Variants in RICTOR observed in about 807,000 individuals in gnomAD.
RICTOR encodes the protein RPTOR independent companion of MTOR complex 2.
A neutral mutation model predicts 214.9 loss-of-function variants in RICTOR; 49 were observed. The ratio of observed to expected loss-of-function variants is 0.23; its 90% CI spans 0.18 to 0.29. The LOEUF is 0.29. Ranked by LOEUF, RICTOR falls within the 10% of genes least tolerant of loss-of-function variation. RICTOR has a pLI of 1.00. For synonymous variants in RICTOR, 717 were observed against 711.3 expected, an observed-to-expected ratio of 1.01 and a Z score of -0.13; for missense variants, 1,625 against 2,047.0, an observed-to-expected ratio of 0.79 and a Z score of 3.98.
At chr5:39,042,410 G>A (rs1757235703) in intron 2 of RICTOR, among the ~76,000 whole-genome samples, 1 of 152,106 alleles carries the variant, frequency 6.6e-6, no homozygotes, top group African/African-American at 2.4e-5. Context: ...GTATAAGGTA[G>A]GTACTACTAT....
In RICTOR at chr5:38,962,479, T is replaced by A. The variant is rs1228341465; in HGVS notation, c.1668+6A>T. 1 of 1,435,306 alleles carries A rather than the reference T, an allele frequency of 7.0e-7. No homozygotes were observed. The highest frequency in any genetic ancestry group is 2.3e-5 in the East Asian group (1 of 43,508). 88.9% of individuals were successfully genotyped at this position (1,435,306 alleles called of 1,614,324 possible). ...CAAGCCATTACCATGAAGTATCTTT[T>A]CATACCTTAAGAATGGTCCCTATAA... On this transcript the variant is annotated splice_donor_region_variant and intron_variant, in intron 18 of 37. Coordinates refer to ENST00000357387, the MANE Select transcript of RICTOR (RefSeq NM_152756.5).
At chr5:39,031,105 A>C (rs1374781357) in intron 2 of RICTOR, among the ~76,000 whole-genome samples, 1 of 152,170 alleles carries the variant, frequency 6.6e-6, no homozygotes, top group Non-Finnish European at 1.5e-5. Context: ...AATCACTTAT[A>C]AAATGTTTTC....
intron 4 of RICTOR, 103 bp from the exon 5 acceptor site, chr5:39,002,769 A>G: frequency 2.7e-6 from 3 of 1,100,496 alleles, no homozygotes; most frequent in South Asian, 3.2e-5. Flanking sequence ...CAAAAATTCT[A>G]GTCATGCACA....
chr5:39,038,936 T>G (rs994107362), intron 2 of RICTOR, among the ~76,000 whole-genome samples: 1 of 151,908 alleles, frequency 6.6e-6, no homozygotes, highest in Non-Finnish European at 1.5e-5. Flanking sequence ...AAGCTACCAA[T>G]GACTTTCTTC....
intron 7 of RICTOR, among the ~76,000 whole-genome samples, chr5:38,988,665 A>G (rs1009087063): frequency 7.9e-5 from 12 of 152,156 alleles, no homozygotes; most frequent in African/African-American, 2.2e-4. Flanking sequence ...CAACTTCACC[A>G]AAGTCTCAGG....
At chr5:38,973,579 G>C (rs1280508280) in intron 10 of RICTOR, among the ~76,000 whole-genome samples, 1 of 152,150 alleles carries the variant, frequency 6.6e-6, no homozygotes, top group African/African-American at 2.4e-5. Flanking sequence ...GGACTCCAAA[G>C]TTCCCTGTAC....
intron 2 of RICTOR, among the ~76,000 whole-genome samples, chr5:39,035,112 T>A (rs1056959257): frequency 3.9e-5 from 6 of 152,170 alleles, no homozygotes; most frequent in African/African-American, 1.4e-4. Context: ...CAGGTACCCC[T>A]CTGAGACAAA....
intron 37 of RICTOR, among the ~76,000 whole-genome samples, chr5:38,942,619 T>TA (rs368923211): frequency 0.018 from 2,392 of 133,582 alleles, 54 homozygotes; most frequent in East Asian, 0.082. Flanking sequence ...CTCGGCTAAT[T>TA]AAAAAAAAAA....
At chr5:39,012,604 T>TA (rs1457541129) in intron 3 of RICTOR, among the ~76,000 whole-genome samples, 1 of 152,218 alleles carries the variant, frequency 6.6e-6, no homozygotes, top group African/African-American at 2.4e-5. Context: ...TTTTTGCCGT[T>TA]ACTGTTGACA....
chr5:38,975,474 A>AAT, intron 10 of RICTOR, 63 bp downstream of exon 10: 2 of 1,109,544 alleles, frequency 1.8e-6, no homozygotes, highest in Non-Finnish European at 2.8e-6. Context: ...TAATAATTTA[A>AAT]CATTTGAAAA....
rs914391834 is a variant in RICTOR, at chr5:38,981,923, G to A, written c.697C>T (p.His233Tyr). 7.4e-6 allele frequency: 12 copies of A among 1,613,034 alleles called. No homozygotes were observed. Among genetic ancestry groups the A allele is most frequent in the Admixed American group, 1.7e-5 (1 of 59,978 alleles). The part of the protein sequence containing the change: ...INEALITTIL[H>Y]LLNHPKTRQY... ...CGAGTCTTTGGATGATTAAGAAGGT[G>A]CAAAATTGTAGTAATTAGGGCCTCA... is the stretch of plus-strand genomic sequence containing the variant. The change falls in exon 8 of 38, where the codon CAC becomes TAC. Residue 233 changes from histidine to tyrosine, a missense_variant. His to Tyr is a moderately conservative substitution (Grantham distance 83). Around this residue, in one of 5 missense-constraint regions of RICTOR, gnomAD observed 258 missense variants for 393.7 expected, o/e 0.66. Transcript: ENST00000357387.
At position 38,941,843 on chromosome 5, in the gene RICTOR, T is replaced by C. The variant is rs754645404; in HGVS notation, c.*461A>G. The C allele has an allele frequency of 3.4e-5, 8 of 233,346 alleles. No individual in the cohort carries two copies. The highest frequency in any genetic ancestry group is 4.4e-5 in the African/African-American group (2 of 45,314). 14.5% of individuals were successfully genotyped at this position (233,346 alleles called of 1,614,324 possible). A position where few individuals can be genotyped will look rare whatever the true frequency, so the allele number is the denominator to read the frequency against. ...GTTATAGCACACCCCATTGTGGTAA[T>C]AGGATGCAGCCTTAGAGACACTGAT... On this transcript the variant is annotated 3_prime_UTR_variant, in exon 38 of 38. Transcript: ENST00000357387.
intron 2 of RICTOR, among the ~76,000 whole-genome samples, chr5:39,049,677 G>A: frequency 7.1e-6 from 1 of 140,090 alleles, no homozygotes. Context: ...GACAGAATAG[G>A]AAAGAAGGGA....
intron 2 of RICTOR, among the ~76,000 whole-genome samples, chr5:39,072,474 G>C (rs77442418): frequency 2.0e-5 from 3 of 152,140 alleles, no homozygotes; most frequent in Non-Finnish European, 2.9e-5. Context: ...CCACATCTGA[G>C]CAGGTTTTTA....
chr5:39,060,198 T>C (rs910981179), intron 2 of RICTOR, among the ~76,000 whole-genome samples: 1 of 152,078 alleles, frequency 6.6e-6, no homozygotes, highest in African/African-American at 2.4e-5. Flanking sequence ...TATGAGGCAA[T>C]TACCTATTTG....
chr5:39,037,657 A>G (rs1756827582), intron 2 of RICTOR, among the ~76,000 whole-genome samples: 1 of 152,248 alleles, frequency 6.6e-6, no homozygotes, highest in Non-Finnish European at 1.5e-5. Flanking sequence ...TCCCACAGAC[A>G]TACAAACTAC....
At chr5:39,049,292 GA>G (rs368731007) in intron 2 of RICTOR, among the ~76,000 whole-genome samples, 341 of 147,410 alleles carry the variant, frequency 2.3e-3, no homozygotes, top group African/African-American at 8.0e-3. Context: ...ACAGAAACAA[GA>G]AAAAAAAAGA....
At chr5:38,948,956 T>G (rs1431327646) in intron 31 of RICTOR, among the ~76,000 whole-genome samples, 1 of 152,070 alleles carries the variant, frequency 6.6e-6, no homozygotes, top group Admixed American at 6.6e-5. Flanking sequence ...GTGCTTAATA[T>G]GTGCTAAAGT....
At chr5:38,950,995 T>C (rs538925136) in intron 30 of RICTOR, among the ~76,000 whole-genome samples, 1 of 151,980 alleles carries the variant, frequency 6.6e-6, no homozygotes, top group South Asian at 2.1e-4. Flanking sequence ...TTACATGAAG[T>C]TTCTTTTGAT....
Sources: allele counts gnomAD v4.1 joint callset (sites outside exome capture counted in the v4.1 genomes callset), GRCh38; gene constraint gnomAD v4.1.1; regional missense constraint gnomAD v4.1.1; transcripts MANE v1.5; gene names NCBI Gene and HGNC (gene_info 2026-07-23, HGNC 2026-07-21).